Variants in SIL1 observed in about 807,000 individuals in gnomAD.
The protein encoded by SIL1 is SIL1 nucleotide exchange factor, also known as nucleotide exchange factor SIL1.
In SIL1, 40 loss-of-function variants were observed where a neutral mutation model predicts 49.1. The observed-to-expected ratio is 0.81, with a 90% CI of 0.63 to 1.06. SIL1 has a LOEUF of 1.06. Among genes scored for constraint, SIL1 ranks in the 50% least tolerant of loss-of-function variants. The pLI, the probability that SIL1 is intolerant of heterozygous loss-of-function variation, is 0.00. For missense variants in SIL1, 500 were observed against 572.6 expected (o/e 0.87, Z 1.29); for synonymous variants, 253 against 250.8 (o/e 1.01, Z -0.08).
chr5:139,056,617 G>A (rs1769439744), intron 3 of SIL1, among the ~76,000 whole-genome samples: 3 of 146,620 alleles, frequency 2.0e-5, no homozygotes, highest in Admixed American at 1.3e-4. Flanking sequence ...CCCCCCGCCC[G>A]GCCAGCCGCC....
chr5:139,094,698 G>A (rs1329969236), intron 3 of SIL1, among the ~76,000 whole-genome samples: 1 of 152,140 alleles, frequency 6.6e-6, no homozygotes, highest in Non-Finnish European at 1.5e-5. Flanking sequence ...TATTACCATA[G>A]TACAGTTGTC....
At chr5:139,136,717 A>G (rs746712596) in intron 1 of SIL1, among the ~76,000 whole-genome samples, 1 of 152,212 alleles carries the variant, frequency 6.6e-6, no homozygotes, top group Non-Finnish European at 1.5e-5. Flanking sequence ...AGGCCACTCC[A>G]AAAGGCTCAA....
chr5:139,020,152 G>T (rs1453523629), intron 7 of SIL1, among the ~76,000 whole-genome samples: 1 of 152,220 alleles, frequency 6.6e-6, no homozygotes, highest in Non-Finnish European at 1.5e-5. Flanking sequence ...GGGAGCCAGG[G>T]CTTGAAGATC....
At chr5:139,004,147 T>C (rs925479862) in intron 7 of SIL1, among the ~76,000 whole-genome samples, 3 of 152,220 alleles carry the variant, frequency 2.0e-5, no homozygotes, top group Non-Finnish European at 2.9e-5. Flanking sequence ...CTGTCTTCAT[T>C]ATTATTCGCC....
In SIL1 at chr5:138,958,727, C is replaced by CA. The variant is rs1278682220; in HGVS notation, c.768-6844dup. 7.1e-3 allele frequency among the ~76,000 whole-genome samples: 920 copies of CA among 129,954 alleles called. 1 individual carries two copies. Among genetic ancestry groups the CA allele is most frequent in the East Asian group, 0.024 (107 of 4,528 alleles). 85.3% of individuals were successfully genotyped at this position (129,954 alleles called of 152,430 possible). ...TATATAATGCAAATATTCCAAAAGC[C>CA]AAAAAAAAAAAAGAAAATCCAAAAC... On this transcript the variant is annotated intron_variant, in intron 7 of 9. Transcript: ENST00000394817.
At chr5:139,170,112 G>A (rs554610322) in intron 1 of SIL1, among the ~76,000 whole-genome samples, 39 of 152,300 alleles carry the variant, frequency 2.6e-4, no homozygotes, top group Admixed American at 1.8e-3. Flanking sequence ...CGAGTGATCC[G>A]CCAGCCTCGG....
At chr5:139,094,325 C>G (rs1246813158) in intron 3 of SIL1, among the ~76,000 whole-genome samples, 2 of 152,166 alleles carry the variant, frequency 1.3e-5, no homozygotes, top group African/African-American at 4.8e-5. Context: ...TATTGAATAC[C>G]TGTTATGAGC....
intron 7 of SIL1, among the ~76,000 whole-genome samples, chr5:138,973,175 A>C (rs1767318305): frequency 6.7e-6 from 1 of 150,074 alleles, no homozygotes; most frequent in Non-Finnish European, 1.5e-5. Context: ...CGCGTTGTGC[A>C]CAGGTACCCT....
chr5:139,126,183 A>T (rs1029888212), intron 2 of SIL1, among the ~76,000 whole-genome samples: 1 of 152,258 alleles, frequency 6.6e-6, no homozygotes, highest in African/African-American at 2.4e-5. Flanking sequence ...TGCTTAGCAC[A>T]TGATGAAAGA....
At chr5:139,050,685 T>G (rs1769265629) in intron 4 of SIL1, among the ~76,000 whole-genome samples, 1 of 152,162 alleles carries the variant, frequency 6.6e-6, no homozygotes, top group African/African-American at 2.4e-5. Flanking sequence ...CTGGGAAAAA[T>G]AGTTTCATTT....
At chr5:139,115,645 C>T (rs999757490) in intron 3 of SIL1, among the ~76,000 whole-genome samples, 1 of 152,200 alleles carries the variant, frequency 6.6e-6, no homozygotes, top group Non-Finnish European at 1.5e-5. Context: ...GGTTGGCGGA[C>T]ACACTGAAGT....
At chr5:139,044,580 C>A (rs747453119) in intron 4 of SIL1, among the ~76,000 whole-genome samples, 1 of 152,220 alleles carries the variant, frequency 6.6e-6, no homozygotes, top group Non-Finnish European at 1.5e-5. Flanking sequence ...TTCCCATGAT[C>A]AGCTCTACAA....
At chr5:138,978,726 G>A (rs2150397555) in intron 7 of SIL1, among the ~76,000 whole-genome samples, 1 of 152,304 alleles carries the variant, frequency 6.6e-6, no homozygotes, top group South Asian at 2.1e-4. Context: ...TGAGTATACA[G>A]TGTTCTCTCA....
At chr5:138,976,524 G>A (rs1280211059) in intron 7 of SIL1, among the ~76,000 whole-genome samples, 1 of 151,934 alleles carries the variant, frequency 6.6e-6, no homozygotes, top group African/African-American at 2.4e-5. Context: ...ATGTTGGCCA[G>A]GCTGGTCTCA....
intron 7 of SIL1, among the ~76,000 whole-genome samples, chr5:138,969,537 C>T (rs967978627): frequency 2.6e-5 from 4 of 152,222 alleles, no homozygotes; most frequent in Non-Finnish European, 5.9e-5. Context: ...TCCACCAACC[C>T]CTGTTCCATC....
At chr5:139,073,770 C>G (rs1427778957) in intron 3 of SIL1, among the ~76,000 whole-genome samples, 1 of 151,754 alleles carries the variant, frequency 6.6e-6, no homozygotes, top group African/African-American at 2.4e-5. Context: ...GGTAAAAATA[C>G]AAAAAATTCG....
chr5:139,056,878 G>C (rs994675692), intron 3 of SIL1, among the ~76,000 whole-genome samples: 2 of 152,014 alleles, frequency 1.3e-5, no homozygotes, highest in Admixed American at 1.3e-4. Context: ...AATAGAAAGG[G>C]GGGAAAGGTG....
At chr5:139,003,719 A>T (rs1768045238) in intron 7 of SIL1, among the ~76,000 whole-genome samples, 1 of 152,250 alleles carries the variant, frequency 6.6e-6, no homozygotes, top group African/African-American at 2.4e-5. Flanking sequence ...AGAAACTGAA[A>T]GCTGGTAGGA....
At chr5:139,124,155 G>A (rs984572126) in intron 2 of SIL1, among the ~76,000 whole-genome samples, 3 of 152,220 alleles carry the variant, frequency 2.0e-5, no homozygotes, top group Non-Finnish European at 4.4e-5. Context: ...GGGAGATGGT[G>A]ATAAGAAGGT....
Sources: allele counts gnomAD v4.1 joint callset (sites outside exome capture counted in the v4.1 genomes callset), GRCh38; gene constraint gnomAD v4.1.1; transcripts MANE v1.5; gene names NCBI Gene and HGNC (gene_info 2026-07-23, HGNC 2026-07-21).